The following RABGAP1L variants were observed in gnomAD, a reference collection of about 807,000 sequenced individuals.
The protein encoded by RABGAP1L is rab GTPase-activating protein 1-like.
A neutral mutation model predicts 137.7 loss-of-function variants in RABGAP1L; 63 were observed. The ratio of observed to expected loss-of-function variants is 0.46; its 90% CI spans 0.37 to 0.56. The LOEUF (loss-of-function observed/expected upper bound fraction) is 0.56, where lower values mean the gene tolerates loss of function less well. RABGAP1L is among the 20% of genes least tolerant of loss of function. The pLI is 0.00. For synonymous variants in RABGAP1L, 431 were observed against 433.7 expected, an observed-to-expected ratio of 0.99 and a Z score of 0.08; for missense variants, 1,095 against 1,244.0, an observed-to-expected ratio of 0.88 and a Z score of 1.80.
intron 11 of RABGAP1L, among the ~76,000 whole-genome samples, chr1:174,320,161 A>G (rs1328974919): frequency 6.6e-6 from 1 of 152,150 alleles, no homozygotes; most frequent in Non-Finnish European, 1.5e-5. Context: ...AAAGTGTTAT[A>G]CATCCACATA....
intron 19 of RABGAP1L, among the ~76,000 whole-genome samples, chr1:174,945,090 C>T (rs1666516648): frequency 6.6e-6 from 1 of 152,186 alleles, no homozygotes; most frequent in African/African-American, 2.4e-5. Flanking sequence ...CATTCTTTCT[C>T]TCCTCTCTTA....
At chr1:174,310,977 T>G (rs1055111740) in intron 11 of RABGAP1L, among the ~76,000 whole-genome samples, 1 of 152,172 alleles carries the variant, frequency 6.6e-6, no homozygotes, top group Non-Finnish European at 1.5e-5. Context: ...CTGTGTGCTG[T>G]CAAATACTAG....
intron 4 of RABGAP1L, among the ~76,000 whole-genome samples, chr1:174,231,742 GGCAGGA>G (rs1344056084): frequency 1.3e-5 from 2 of 152,202 alleles, no homozygotes; most frequent in Non-Finnish European, 2.9e-5. Flanking sequence ...TGTCTTACGT[GGCAGGA>G]GCAGGAGCAA....
intron 17 of RABGAP1L, among the ~76,000 whole-genome samples, chr1:174,708,877 C>A (rs1477739938): frequency 6.6e-6 from 1 of 152,186 alleles, no homozygotes; most frequent in East Asian, 1.9e-4. Context: ...TGGTCTGTCT[C>A]AGCAGAACCT....
intron 13 of RABGAP1L, among the ~76,000 whole-genome samples, chr1:174,459,082 G>A (rs2149276177): frequency 6.6e-6 from 1 of 152,176 alleles, no homozygotes; most frequent in Admixed American, 6.5e-5. Flanking sequence ...TAGCTAAGAT[G>A]TATTGCAGTG....
intron 18 of RABGAP1L, among the ~76,000 whole-genome samples, chr1:174,775,636 A>G (rs572359396): frequency 5.3e-5 from 8 of 152,184 alleles, no homozygotes; most frequent in Admixed American, 3.9e-4. Flanking sequence ...TTAAGAAAAC[A>G]ATCAGCAGTC....
rs920068868 is a variant in RABGAP1L, at chr1:174,320,245, C to T, written c.1465+15118C>T. Among the ~76,000 whole-genome samples the T allele has an allele frequency of 4.6e-5, 7 of 152,152 alleles. No individual in the cohort carries two copies. In the East Asian group the frequency reaches 5.8e-4, roughly 13 times the overall value. ...TTCTCTTATGCCCTTTATAACTCATCGTTTCCCCTCACTTGTGGTTCCTGG... is the reference window on the plus strand; with the variant it reads ...TTCTCTTATGCCCTTTATAACTCATTGTTTCCCCTCACTTGTGGTTCCTGG... On this transcript the variant is annotated intron_variant, in intron 11 of 25. Coordinates refer to ENST00000681986, the MANE Select transcript of RABGAP1L (RefSeq NM_001366446.1).
At chr1:174,286,160 T>C (rs918549181) in intron 10 of RABGAP1L, among the ~76,000 whole-genome samples, 1 of 152,198 alleles carries the variant, frequency 6.6e-6, no homozygotes, top group Non-Finnish European at 1.5e-5. Flanking sequence ...TGGCATTAAA[T>C]GTTTGGTGGA....
At chr1:174,303,253 T>G (rs905408846) in intron 10 of RABGAP1L, among the ~76,000 whole-genome samples, 11 of 151,952 alleles carry the variant, frequency 7.2e-5, no homozygotes, top group African/African-American at 2.7e-4. Flanking sequence ...CAATTCAGCT[T>G]TGCATCAGAT....
chr1:174,607,577 T>A (rs1043610868), intron 13 of RABGAP1L, among the ~76,000 whole-genome samples: 7 of 152,210 alleles, frequency 4.6e-5, no homozygotes, highest in Non-Finnish European at 8.8e-5. Flanking sequence ...CACTCCTTTG[T>A]GCTCTCTGTG....
chr1:174,727,149 G>A (rs1399378112), intron 17 of RABGAP1L, among the ~76,000 whole-genome samples: 1 of 152,080 alleles, frequency 6.6e-6, no homozygotes, highest in Non-Finnish European at 1.5e-5. Context: ...GTTTTTCTGA[G>A]GATTAAATGA....
intron 13 of RABGAP1L, among the ~76,000 whole-genome samples, chr1:174,596,505 C>G (rs1271323195): frequency 2.6e-5 from 4 of 152,050 alleles, no homozygotes; most frequent in Non-Finnish European, 5.9e-5. Flanking sequence ...TTTTAAATTT[C>G]TTTTTCAGAT....
chr1:174,529,886 A>C (rs1338558241), intron 13 of RABGAP1L, among the ~76,000 whole-genome samples: 1 of 152,048 alleles, frequency 6.6e-6, no homozygotes, highest in African/African-American at 2.4e-5. Context: ...CCATGGGAGT[A>C]GTGTTCAGAT....
At chr1:174,711,653 G>T (rs924127946) in intron 17 of RABGAP1L, among the ~76,000 whole-genome samples, 1 of 152,204 alleles carries the variant, frequency 6.6e-6, no homozygotes, top group Non-Finnish European at 1.5e-5. Context: ...TTCGGGACCT[G>T]CAGCCTGCCG....
chr1:174,283,237 T>TA (rs886710748), intron 10 of RABGAP1L, among the ~76,000 whole-genome samples: 49 of 151,176 alleles, frequency 3.2e-4, no homozygotes, highest in Admixed American at 5.9e-4. Flanking sequence ...ACTCAGTTTG[T>TA]AAAAAAAAGT....
At chr1:174,213,687 C>T (rs544162958) in intron 1 of RABGAP1L, among the ~76,000 whole-genome samples, 18 of 152,176 alleles carry the variant, frequency 1.2e-4, no homozygotes, top group Middle Eastern at 3.4e-3. Flanking sequence ...ACATATCAAT[C>T]GGTGTGATAC....
At chr1:174,741,855 CAAAAAA>C (rs775821774) in intron 17 of RABGAP1L, among the ~76,000 whole-genome samples, 2 of 41,878 alleles carry the variant, frequency 4.8e-5, no homozygotes, top group African/African-American at 2.2e-4. Context: ...CCTATTTCTA[CAAAAAA>C]AAAAAAAAAA....
intron 19 of RABGAP1L, among the ~76,000 whole-genome samples, chr1:174,954,749 G>A (rs1260556763): frequency 6.6e-6 from 1 of 152,116 alleles, no homozygotes; most frequent in Non-Finnish European, 1.5e-5. Flanking sequence ...ATGGCTCCTG[G>A]AGTAGGCTCT....
At chr1:174,369,212 TG>T (rs1226643428) in intron 11 of RABGAP1L, among the ~76,000 whole-genome samples, 1 of 152,112 alleles carries the variant, frequency 6.6e-6, no homozygotes, top group Non-Finnish European at 1.5e-5. Flanking sequence ...TTTTTTGAGA[TG>T]AGGTCTCACT....
Sources: gnomAD v4.1 joint callset for allele counts (sites outside exome capture counted in the v4.1 genomes callset) on GRCh38, gnomAD v4.1.1 for gene constraint, MANE v1.5 for transcripts, NCBI Gene and HGNC (gene_info 2026-07-23, HGNC 2026-07-21) for gene names.